NSUN4: variants seen among roughly 807,000 people sequenced by gnomAD.
NSUN4 encodes NOP2/Sun RNA methyltransferase 4, also known as 5-cytosine rRNA methyltransferase NSUN4.
Under a neutral mutation model 43.8 loss-of-function variants are expected in NSUN4, and 31 were observed. The ratio of observed to expected loss-of-function variants is 0.71; its 90% CI spans 0.53 to 0.96. NSUN4 has a LOEUF of 0.96. NSUN4 is among the 40% of genes least tolerant of loss of function. NSUN4 has a pLI of 0.00. For missense variants in NSUN4, 439 were observed against 475.6 expected, an observed-to-expected ratio of 0.92 and a Z score of 0.72; for synonymous variants, 167 against 184.1, an observed-to-expected ratio of 0.91 and a Z score of 0.75.
Position 46,342,096 on chromosome 1 carries a change from C to T in NSUN4, c.93+1177C>T, listed in dbSNP as rs1459360168. ...CACGATTTCACCTCCTCTTGCTCGC[C>T]GGCCGGTGGAAACTAGTCCTATGGC... On this transcript the variant is annotated intron_variant, in intron 1 of 5. Transcript: ENST00000474844. The T allele has an allele frequency of 1.9e-5, 10 of 528,084 alleles. No individual in the cohort carries two copies. In the South Asian group the frequency reaches 2.9e-4, roughly 15 times the overall value. The allele number at this position is 528,084 out of a possible 1,614,324, so 32.7% of individuals were successfully genotyped here. A position where few individuals can be genotyped will look rare whatever the true frequency, so the allele number is the denominator to read the frequency against.
chr1:46,376,750 AAAC>A, the NSUN4 span, among the ~76,000 whole-genome samples: 10 of 151,854 alleles, frequency 6.6e-5, no homozygotes, highest in African/African-American at 2.4e-4. Context: ...GTGTGTATAG[AAAC>A]ACACTTACTA....
chr1:46,357,649 A>G (rs368250670), intron 4 of NSUN4, among the ~76,000 whole-genome samples: 17 of 152,318 alleles, frequency 1.1e-4, no homozygotes, highest in African/African-American at 3.8e-4. Flanking sequence ...GACTGAGGAC[A>G]CTGAGAAGGA....
rs1184210191 is a variant in NSUN4 at position 46,341,831 on chromosome 1, G to A, written c.93+912G>A. The A allele has an allele frequency of 3.2e-6, 4 of 1,232,690 alleles. No homozygotes were observed. In the East Asian group the frequency reaches 1.3e-4, roughly 39 times the overall value. The allele number at this position is 1,232,690 out of a possible 1,614,324, so 76.4% of individuals were successfully genotyped here. A position where few individuals can be genotyped will look rare whatever the true frequency, so the allele number is the denominator to read the frequency against. ...AGCGGACACCTTATTGCAGCTGGATGAGTCCCTCCAGAATGCGGCGTCCCT... is the reference window on the plus strand; with the variant it reads ...AGCGGACACCTTATTGCAGCTGGATAAGTCCCTCCAGAATGCGGCGTCCCT... On this transcript the variant is annotated intron_variant, in intron 1 of 5. Transcript: ENST00000474844.
At chr1:46,360,550 G>A (rs1445562571) in intron 4 of NSUN4, among the ~76,000 whole-genome samples, 154 bp from the exon 5 acceptor site, 1 of 152,018 alleles carries the variant, frequency 6.6e-6, no homozygotes, top group Non-Finnish European at 1.5e-5. Flanking sequence ...TGTCTACCAA[G>A]TTAAAATGAA....
intron 3 of NSUN4, among the ~76,000 whole-genome samples, chr1:46,352,451 T>TA (rs111689344): frequency 4.9e-4 from 69 of 139,522 alleles, no homozygotes; most frequent in East Asian, 1.3e-3. Context: ...GACTCTGTCT[T>TA]AAAAAAAAAA....
chr1:46,380,064 A>G, the NSUN4 span, among the ~76,000 whole-genome samples: 1 of 152,106 alleles, frequency 6.6e-6, no homozygotes, highest in African/African-American at 2.4e-5. Context: ...GGCTCACAGA[A>G]GAGAAAGGAA....
At chr1:46,344,709 C>T in intron 1 of NSUN4, 92 bp from the exon 2 acceptor site, 1 of 1,136,206 alleles carries the variant, frequency 8.8e-7, no homozygotes, top group Non-Finnish European at 1.3e-6. Flanking sequence ...TAGCTGGATC[C>T]AAGTTTGCCC....
intron 3 of NSUN4, among the ~76,000 whole-genome samples, chr1:46,351,855 G>A (rs1027103773): frequency 6.6e-6 from 1 of 151,200 alleles, no homozygotes; most frequent in African/African-American, 2.4e-5. Context: ...TAGTAGAGAC[G>A]GGGTTTCACC....
the NSUN4 span, among the ~76,000 whole-genome samples, chr1:46,374,546 T>C: frequency 6.6e-6 from 1 of 151,438 alleles, no homozygotes; most frequent in Admixed American, 6.6e-5. Flanking sequence ...GAGGCAGAGG[T>C]TGTAGTGAGC....
the NSUN4 span, among the ~76,000 whole-genome samples, chr1:46,378,701 G>T: frequency 6.6e-6 from 1 of 152,346 alleles, no homozygotes; most frequent in African/African-American, 2.4e-5. Context: ...ATTATTGTCT[G>T]AGTCTATGGT....
chr1:46,350,346 A>T (rs1046853192), intron 3 of NSUN4, among the ~76,000 whole-genome samples: 10 of 152,214 alleles, frequency 6.6e-5, no homozygotes, highest in Non-Finnish European at 8.8e-5. Context: ...TAGCCTGGGC[A>T]ACATAGACCT....
chr1:46,367,305 C>T (rs1664158883), downstream of NSUN4, among the ~76,000 whole-genome samples: 1 of 152,204 alleles, frequency 6.6e-6, no homozygotes, highest in Admixed American at 6.5e-5. Context: ...TGACAGTAAT[C>T]ACTACTGTAT....
chr1:46,361,932 T>A lies in NSUN4; in HGVS notation c.*86T>A. ...TGGAAACTGGGACCAGTGGCAGAGA[T>A]GCACTCTCGGTCCTGTCTCCATCCT... On this transcript the variant is annotated 3_prime_UTR_variant, in exon 6 of 6. Transcript: ENST00000474844. 8.1e-7 allele frequency: 1 copy of A among 1,240,240 alleles called. No homozygotes were observed. Among genetic ancestry groups the A allele is most frequent in the Non-Finnish European group, 1.1e-6 (1 of 886,036 alleles). The allele number at this position is 1,240,240 out of a possible 1,614,324, so 76.8% of individuals were successfully genotyped here.
the NSUN4 span, among the ~76,000 whole-genome samples, chr1:46,371,575 T>G: frequency 2.0e-5 from 3 of 152,160 alleles, no homozygotes; most frequent in Middle Eastern, 3.4e-3. Flanking sequence ...CAAAGTTCTG[T>G]GATTATGGGC....
At chr1:46,357,372 G>A (rs1569762911) in intron 4 of NSUN4, among the ~76,000 whole-genome samples, 1 of 152,132 alleles carries the variant, frequency 6.6e-6, no homozygotes, top group South Asian at 2.1e-4. Flanking sequence ...TTGTGGAGAC[G>A]GGGTTTTGTC....
rs1288583574 is a variant in NSUN4 at position 46,363,939 on chromosome 1, A to G, written c.*2093A>G. On this transcript the variant is annotated 3_prime_UTR_variant, in exon 6 of 6. Transcript: ENST00000474844. ...ATTCTTTACATACAATATAGTTCAT[A>G]AATTTTAAATATATTGTTTAATAAA... The G allele has an allele frequency of 6.6e-6, 1 of 152,098 alleles. No homozygotes were observed. The highest frequency in any genetic ancestry group is 1.5e-5 in the Non-Finnish European group (1 of 68,030). 9.4% of individuals were successfully genotyped at this position (152,098 alleles called of 1,614,324 possible).
chr1:46,376,712 ATG>A, the NSUN4 span, among the ~76,000 whole-genome samples: 3,965 of 148,242 alleles, frequency 0.027, 53 homozygotes, highest in African/African-American at 0.043. Flanking sequence ...TTTAGAGAGC[ATG>A]TGTGTGTGTG....
Position 46,360,781 on chromosome 1 carries a change from G to A in NSUN4, c.831G>A (p.Arg277=), listed in dbSNP as rs1240001290. The stretch of plus-strand genomic sequence containing the variant: ...AGAACAACATCTTTAAGCGGTCAAG[G>A]AAGAAGGAGCGACAGATATTGCCTG... The part of the protein sequence containing the change: ...EEENNIFKRS[R]KKERQILPVL... The change falls in exon 5 of 6, where the codon AGG becomes AGA. Residue 277 remains arginine, a synonymous_variant. Coordinates refer to ENST00000474844, the MANE Select transcript of NSUN4 (RefSeq NM_199044.4). 3.1e-6 allele frequency: 5 copies of A among 1,613,948 alleles called. No homozygotes were observed. The African/African-American group carries it at 6.7e-5, about 22-fold the overall frequency.
intron 4 of NSUN4, among the ~76,000 whole-genome samples, chr1:46,356,892 A>G (rs1427695579): frequency 6.6e-6 from 1 of 152,312 alleles, no homozygotes; most frequent in East Asian, 1.9e-4. Flanking sequence ...TTCAAATAAT[A>G]CAATGTTTAT....
Sources: allele counts gnomAD v4.1 joint callset (sites outside exome capture counted in the v4.1 genomes callset), GRCh38; gene constraint gnomAD v4.1.1; transcripts MANE v1.5; gene names NCBI Gene and HGNC (gene_info 2026-07-23, HGNC 2026-07-21).